SIK3: variants seen among roughly 807,000 people sequenced by gnomAD.
SIK3 encodes the protein SIK family kinase 3, also known as serine/threonine-protein kinase SIK3.
SIK3 carries 28 observed loss-of-function variants against 144.2 expected under a neutral mutation model. The ratio of observed to expected loss-of-function variants is 0.19; its 90% CI spans 0.14 to 0.27. The LOEUF (loss-of-function observed/expected upper bound fraction) is 0.27, where lower values mean the gene tolerates loss of function less well. SIK3 is among the 10% of genes least tolerant of loss of function. The probability of loss-of-function intolerance (pLI) is 1.00; values close to 1 mark genes in which losing one functional copy is unlikely to be tolerated. For missense variants in SIK3, 1,319 were observed against 1,776.0 expected (o/e 0.74, Z 4.62); for synonymous variants, 686 against 676.3 (o/e 1.01, Z -0.22).
chr11:116,975,185 TA>T (rs200177039), intron 1 of SIK3, among the ~76,000 whole-genome samples: 29 of 148,154 alleles, frequency 2.0e-4, no homozygotes, highest in African/African-American at 4.7e-4. Context: ...TCTAGTTATT[TA>T]AAAAAAAAAG....
chr11:116,861,784 C>T (rs1191978805), intron 18 of SIK3, 57 bp downstream of exon 18: 4 of 1,213,410 alleles, frequency 3.3e-6, no homozygotes, highest in Non-Finnish European at 4.8e-6. Context: ...GTGAGTCAAG[C>T]CAAGGGTACC....
Position 116,958,164 on chromosome 11 carries a change from G to C in SIK3, c.274-1100C>G, listed in dbSNP as rs868320214. ...TAACATTCTAAGATTCTATGCACCA[G>C]AGAGGTAAAGGGAACATATACAGTA... On this transcript the variant is annotated intron_variant, in intron 1 of 24. Transcript: ENST00000445177. 2.6e-5 allele frequency among the ~76,000 whole-genome samples: 4 copies of C among 152,276 alleles called. No individual in the cohort carries two copies. In the Middle Eastern group the frequency reaches 0.01, roughly 388 times the overall value.
At chr11:116,939,532 G>T (rs750293739) in intron 3 of SIK3, among the ~76,000 whole-genome samples, 3 of 152,180 alleles carry the variant, frequency 2.0e-5, no homozygotes, top group Non-Finnish European at 2.9e-5. Flanking sequence ...ACTTTATAAA[G>T]GATCAATTTG....
At chr11:116,892,252 A>G (rs1039818800) in intron 6 of SIK3, among the ~76,000 whole-genome samples, 3 of 152,194 alleles carry the variant, frequency 2.0e-5, no homozygotes, top group African/African-American at 7.2e-5. Context: ...GCAGAGAAAA[A>G]TAAGTCTGGT....
At chr11:116,920,080 T>A (rs1946875196) in intron 4 of SIK3, among the ~76,000 whole-genome samples, 1 of 152,068 alleles carries the variant, frequency 6.6e-6, no homozygotes, top group African/African-American at 2.4e-5. Context: ...GATTTCAATC[T>A]AATATAAACA....
chr11:117,042,768 G>A (rs2135864696), intron 1 of SIK3, among the ~76,000 whole-genome samples: 1 of 152,324 alleles, frequency 6.6e-6, no homozygotes, highest in Non-Finnish European at 1.5e-5. Context: ...AGAATGTGGA[G>A]TGCAACAGCG....
intron 1 of SIK3, among the ~76,000 whole-genome samples, chr11:116,965,163 G>A (rs139186135): frequency 1.3e-5 from 2 of 152,136 alleles, no homozygotes; most frequent in South Asian, 4.1e-4. Context: ...AATTTTTAAA[G>A]ACAAAAAGAA....
chr11:116,987,313 T>C (rs1051438411), intron 1 of SIK3, among the ~76,000 whole-genome samples: 10 of 82,546 alleles, frequency 1.2e-4, no homozygotes, highest in Non-Finnish European at 1.6e-4. Context: ...TATGTCTTCA[T>C]AAAAGATTAA....
At chr11:117,002,536 T>C (rs551300279) in intron 1 of SIK3, among the ~76,000 whole-genome samples, 3 of 152,332 alleles carry the variant, frequency 2.0e-5, no homozygotes, top group Non-Finnish European at 4.4e-5. Context: ...TACTTGCTTA[T>C]TTAAGTTACT....
chr11:116,905,903 T>C (rs1478321318), intron 4 of SIK3, among the ~76,000 whole-genome samples: 4 of 152,280 alleles, frequency 2.6e-5, no homozygotes, highest in African/African-American at 7.2e-5. Context: ...TCTCCCATTC[T>C]GTGGACTTTC....
intron 3 of SIK3, among the ~76,000 whole-genome samples, chr11:116,934,238 C>T (rs998173129): frequency 6.6e-6 from 1 of 152,134 alleles, no homozygotes; most frequent in African/African-American, 2.4e-5. Flanking sequence ...GTACAATGAA[C>T]GGTATCTGAC....
chr11:117,098,024 C>A, intron 1 of SIK3, 119 bp downstream of exon 1: 1 of 1,147,650 alleles, frequency 8.7e-7, no homozygotes, highest in South Asian at 3.9e-5. Flanking sequence ...CCTCCCGCCT[C>A]CCGGCCCCCA....
At chr11:116,938,460 G>A (rs148067931) in intron 3 of SIK3, among the ~76,000 whole-genome samples, 37 of 6,072 alleles carry the variant, frequency 6.1e-3, no homozygotes, top group African/African-American at 0.014. Context: ...GGAGGGGAGG[G>A]GAGGAGAGGA....
chr11:117,024,347 T>C (rs939962093), intron 1 of SIK3, among the ~76,000 whole-genome samples: 10 of 151,028 alleles, frequency 6.6e-5, no homozygotes, highest in Non-Finnish European at 5.9e-5. Context: ...ATTACCAATA[T>C]TGGCTGCATA....
At chr11:116,949,076 T>C (rs149712140) in intron 3 of SIK3, among the ~76,000 whole-genome samples, 33 of 152,202 alleles carry the variant, frequency 2.2e-4, no homozygotes, top group African/African-American at 7.5e-4. Flanking sequence ...AAATACGGCA[T>C]ACTAAAACTC....
intron 1 of SIK3, among the ~76,000 whole-genome samples, chr11:117,091,570 T>C (rs1955250184): frequency 6.6e-6 from 1 of 152,176 alleles, no homozygotes; most frequent in African/African-American, 2.4e-5. Context: ...AGAACTAGAA[T>C]AGAACCTCTC....
At chr11:116,923,858 T>TAACAAC (rs771029011) in intron 4 of SIK3, among the ~76,000 whole-genome samples, 4 of 152,208 alleles carry the variant, frequency 2.6e-5, no homozygotes, top group African/African-American at 7.2e-5. Flanking sequence ...TTTTAACTAT[T>TAACAAC]AACAACAACA....
chr11:116,990,235 CA>C (rs1253684318), intron 1 of SIK3, among the ~76,000 whole-genome samples: 1 of 152,186 alleles, frequency 6.6e-6, no homozygotes, highest in Non-Finnish European at 1.5e-5. Context: ...AGCAAGTCTG[CA>C]CTAAGTCTAC....
chr11:117,006,370 T>A (rs1951047064), intron 1 of SIK3, among the ~76,000 whole-genome samples: 1 of 152,200 alleles, frequency 6.6e-6, no homozygotes, highest in Non-Finnish European at 1.5e-5. Context: ...CCAAGTGTTG[T>A]GATCAGGCTT....
Sources: allele counts gnomAD v4.1 joint callset (sites outside exome capture counted in the v4.1 genomes callset), GRCh38; gene constraint gnomAD v4.1.1; transcripts MANE v1.5; gene names NCBI Gene and HGNC (gene_info 2026-07-23, HGNC 2026-07-21).